Variants in ST3GAL3 observed in about 807,000 individuals in gnomAD.
The protein encoded by ST3GAL3 is ST3 beta-galactoside alpha-2,3-sialyltransferase 3.
ST3GAL3 carries 21 observed loss-of-function variants against 50.1 expected under a neutral mutation model. The observed-to-expected ratio is 0.42, with a 90% CI of 0.30 to 0.60. The LOEUF is 0.60. ST3GAL3 is among the 20% of genes least tolerant of loss of function. ST3GAL3 has a pLI of 0.19. For synonymous variants in ST3GAL3, 183 were observed against 190.0 expected (o/e 0.96, Z 0.30); for missense variants, 353 against 489.4 (o/e 0.72, Z 2.63).
At chr1:43,715,809 G>A (rs999067924) in intron 1 of ST3GAL3, among the ~76,000 whole-genome samples, 31 of 152,154 alleles carry the variant, frequency 2.0e-4, no homozygotes, top group African/African-American at 7.5e-4. Flanking sequence ...TAACCCACAA[G>A]CATGCATACT....
At chr1:43,725,026 T>C (rs530323955) in intron 1 of ST3GAL3, among the ~76,000 whole-genome samples, 1 of 152,236 alleles carries the variant, frequency 6.6e-6, no homozygotes, top group East Asian at 1.9e-4. Context: ...CTCGCTGCCA[T>C]GTGTAATCCC....
chr1:43,835,408 ATAACT>A (rs1258655583), intron 4 of ST3GAL3, among the ~76,000 whole-genome samples: 1 of 152,140 alleles, frequency 6.6e-6, no homozygotes, highest in Non-Finnish European at 1.5e-5. Context: ...TAATTTGGTA[ATAACT>A]TGACATGACC....
intron 5 of ST3GAL3, among the ~76,000 whole-genome samples, chr1:43,874,815 T>A (rs1217553327): frequency 6.6e-6 from 1 of 152,192 alleles, no homozygotes; most frequent in Non-Finnish European, 1.5e-5. Context: ...AGGTTATCTA[T>A]GGGAACAAGA....
chr1:43,718,607 A>C (rs1003378526), intron 1 of ST3GAL3, among the ~76,000 whole-genome samples: 5 of 148,628 alleles, frequency 3.4e-5, no homozygotes, highest in Non-Finnish European at 5.9e-5. Flanking sequence ...TCCCTCCTTC[A>C]ACAGAAAAAA....
chr1:43,801,572 C>G (rs953176527), intron 3 of ST3GAL3: 1 of 320,382 alleles, frequency 3.1e-6, no homozygotes, highest in Non-Finnish European at 6.3e-6. Flanking sequence ...ATGTGCTATA[C>G]TAGGACAAAT....
chr1:43,799,741 G>A (rs924075798), intron 3 of ST3GAL3: 1 of 152,164 alleles, frequency 6.6e-6, no homozygotes, highest in Admixed American at 6.5e-5. Context: ...TATCCCATGA[G>A]GTGGTAAGCT....
At chr1:43,870,673 A>AATCT (rs1238181092) in intron 5 of ST3GAL3, among the ~76,000 whole-genome samples, 1 of 152,130 alleles carries the variant, frequency 6.6e-6, no homozygotes, top group African/African-American at 2.4e-5. Context: ...CATGAGGCTG[A>AATCT]ATCTCAGGCC....
intron 9 of ST3GAL3, among the ~76,000 whole-genome samples, chr1:43,906,881 T>A (rs1278958799): frequency 6.6e-6 from 1 of 152,202 alleles, no homozygotes; most frequent in Non-Finnish European, 1.5e-5. Flanking sequence ...ACAGAGAGGA[T>A]ATGTTACTTG....
At position 43,930,655 on chromosome 1, in the gene ST3GAL3, C is replaced by T. The variant is rs1266866111; in HGVS notation, c.*434C>T. 6.2e-6 allele frequency: 2 copies of T among 322,396 alleles called. No individual in the cohort carries two copies. 20.0% of individuals were successfully genotyped at this position (322,396 alleles called of 1,614,324 possible). ...GCAGGAAGAGGCCCACTAGAGGGCC[C>T]ATCAGGCAGTGTTACCTGTTAGCTC... is the stretch of plus-strand genomic sequence containing the variant. On this transcript the variant is annotated 3_prime_UTR_variant, in exon 12 of 12. Coordinates refer to ENST00000347631, the MANE Select transcript of ST3GAL3 (RefSeq NM_006279.5).
At chr1:43,794,904 A>C (rs1318654970) in intron 3 of ST3GAL3, among the ~76,000 whole-genome samples, 1 of 152,208 alleles carries the variant, frequency 6.6e-6, no homozygotes, top group Non-Finnish European at 1.5e-5. Context: ...ATTCAGTATT[A>C]AAACTATAAA....
intron 5 of ST3GAL3, among the ~76,000 whole-genome samples, chr1:43,865,430 C>T (rs1263506273): frequency 6.6e-6 from 1 of 152,082 alleles, no homozygotes; most frequent in Non-Finnish European, 1.5e-5. Context: ...TTTTAGTCAC[C>T]AAACTTCTCA....
chr1:43,908,945 A>C (rs2080301577), intron 9 of ST3GAL3, among the ~76,000 whole-genome samples: 2 of 152,086 alleles, frequency 1.3e-5, no homozygotes, highest in South Asian at 4.1e-4. Flanking sequence ...GCCACTCTTT[A>C]GCACCCGCCA....
intron 3 of ST3GAL3, among the ~76,000 whole-genome samples, chr1:43,797,595 A>G (rs942224609): frequency 6.6e-6 from 1 of 152,226 alleles, no homozygotes; most frequent in African/African-American, 2.4e-5. Flanking sequence ...TTCAACATCT[A>G]TTTATGATAA....
At chr1:43,759,065 G>GCGCACACACACA (rs60386464) in intron 2 of ST3GAL3, among the ~76,000 whole-genome samples, 844 of 75,406 alleles carry the variant, frequency 0.011, 5 homozygotes, top group African/African-American at 0.022. Flanking sequence ...AAAAGCGCGC[G>GCGCACACACACA]CACACACACA....
Position 43,710,680 on chromosome 1 carries a change from C to T in ST3GAL3, c.-31+2987C>T, listed in dbSNP as rs117156538. On this transcript the variant is annotated intron_variant, in intron 1 of 11. Transcript: ENST00000347631. Reference sequence around the variant, plus strand: ...CTCTTTGTGCTTTGCTGTTTGTGCTCTGTATCTTTGCTCATGTTGGCTTTT... The same window carrying T: ...CTCTTTGTGCTTTGCTGTTTGTGCTTTGTATCTTTGCTCATGTTGGCTTTT... 1.2e-4 allele frequency among the ~76,000 whole-genome samples: 19 copies of T among 152,346 alleles called. No homozygotes were observed. In the East Asian group the frequency reaches 3.5e-3, roughly 28 times the overall value.
chr1:43,805,778 G>A (rs572690995), intron 3 of ST3GAL3, among the ~76,000 whole-genome samples: 50 of 152,240 alleles, frequency 3.3e-4, no homozygotes, highest in Admixed American at 3.3e-3. Flanking sequence ...CACTGTCACC[G>A]AGGCTGAAGT....
chr1:43,921,798 T>C, intron 11 of ST3GAL3: 1 of 398,816 alleles, frequency 2.5e-6, no homozygotes, highest in Non-Finnish European at 4.4e-6. Context: ...GACTCTGATC[T>C]GTCGGGCTCT....
At chr1:43,913,846 G>A (rs2081345418) in intron 9 of ST3GAL3, 1 of 152,218 alleles carries the variant, frequency 6.6e-6, no homozygotes, top group South Asian at 2.1e-4. Context: ...AAGAACCGAG[G>A]GCAGTAAGAC....
intron 5 of ST3GAL3, among the ~76,000 whole-genome samples, chr1:43,868,047 C>G (rs974032194): frequency 6.6e-6 from 1 of 152,202 alleles, no homozygotes; most frequent in African/African-American, 2.4e-5. Context: ...GTAATCATAT[C>G]TGTGTATGCA....
Sources: gnomAD v4.1 joint callset for allele counts (sites outside exome capture counted in the v4.1 genomes callset) on GRCh38, gnomAD v4.1.1 for gene constraint, MANE v1.5 for transcripts, NCBI Gene and HGNC (gene_info 2026-07-23, HGNC 2026-07-21) for gene names.